SLC30A8: variants seen among roughly 807,000 people sequenced by gnomAD.
SLC30A8 encodes proton-coupled zinc antiporter SLC30A8.
In SLC30A8, 27 loss-of-function variants were observed where a neutral mutation model predicts 36.9. The observed-to-expected ratio is 0.73, with a 90% CI of 0.54 to 1.01. SLC30A8 has a LOEUF of 1.01. SLC30A8 is among the 50% of genes least tolerant of loss of function. SLC30A8 has a pLI of 0.00. For synonymous variants in SLC30A8, 164 were observed against 172.4 expected, an observed-to-expected ratio of 0.95 and a Z score of 0.38; for missense variants, 439 against 452.0, an observed-to-expected ratio of 0.97 and a Z score of 0.26.
At chr8:117,026,490 G>T (rs553784981) in intron 1 of SLC30A8, among the ~76,000 whole-genome samples, 9 of 152,250 alleles carry the variant, frequency 5.9e-5, no homozygotes, top group African/African-American at 1.9e-4. Flanking sequence ...CTAATCTCAC[G>T]CTCCCAGGAA....
chr8:117,130,048 C>T (rs999127678), upstream of SLC30A8: 2 of 151,874 alleles, frequency 1.3e-5, no homozygotes, highest in African/African-American at 4.8e-5. Flanking sequence ...AATAACTCAT[C>T]TCCTGATGGT....
chr8:117,056,356 T>C (rs1281027678), intron 2 of SLC30A8, among the ~76,000 whole-genome samples: 1 of 152,108 alleles, frequency 6.6e-6, no homozygotes. Flanking sequence ...ACCACAGCAG[T>C]AGCTTTAAGG....
intron 1 of SLC30A8, among the ~76,000 whole-genome samples, chr8:117,006,158 G>A (rs1036621648): frequency 6.6e-6 from 1 of 152,204 alleles, no homozygotes. Context: ...GGAACTCTAA[G>A]CGAATAGGAT....
At chr8:116,990,879 A>C (rs1815616463) in intron 1 of SLC30A8, among the ~76,000 whole-genome samples, 4 of 152,174 alleles carry the variant, frequency 2.6e-5, no homozygotes, top group Admixed American at 2.6e-4. Context: ...AAACAACCAA[A>C]TAAGTGAATG....
At chr8:117,083,512 GT>G (rs1302672644) in intron 2 of SLC30A8, among the ~76,000 whole-genome samples, 1 of 152,156 alleles carries the variant, frequency 6.6e-6, no homozygotes, top group Non-Finnish European at 1.5e-5. Flanking sequence ...GACCTTTGTT[GT>G]TACTACATAC....
chr8:117,133,608 C>T (rs1821226679), upstream of SLC30A8, among the ~76,000 whole-genome samples: 1 of 151,688 alleles, frequency 6.6e-6, no homozygotes, highest in African/African-American at 2.4e-5. Flanking sequence ...AAGTAGTTTC[C>T]TCATTTTCTG....
intron 2 of SLC30A8, among the ~76,000 whole-genome samples, chr8:117,112,717 T>A (rs1468792853): frequency 6.6e-6 from 1 of 152,184 alleles, no homozygotes; most frequent in Non-Finnish European, 1.5e-5. Flanking sequence ...GAAGATTCTC[T>A]GATGGATGCA....
chr8:116,966,449 C>G (rs1814604020), intron 1 of SLC30A8, among the ~76,000 whole-genome samples: 1 of 152,052 alleles, frequency 6.6e-6, no homozygotes, highest in African/African-American at 2.4e-5. Flanking sequence ...GTTCACCCAG[C>G]CCTATGAGAC....
chr8:116,990,540 C>T (rs1563737306), intron 1 of SLC30A8, among the ~76,000 whole-genome samples: 1 of 152,150 alleles, frequency 6.6e-6, no homozygotes, highest in Non-Finnish European at 1.5e-5. Flanking sequence ...CTGACCAGTA[C>T]TCCTCAAAAC....
chr8:117,055,838 C>G (rs1030210085), intron 2 of SLC30A8: 6 of 151,828 alleles, frequency 4.0e-5, no homozygotes, highest in Admixed American at 2.6e-4. Context: ...TCATTCTTAG[C>G]TGGAGTCAAG....
At chr8:116,970,666 G>A (rs1814762049) in intron 1 of SLC30A8, among the ~76,000 whole-genome samples, 1 of 152,096 alleles carries the variant, frequency 6.6e-6, no homozygotes, top group Non-Finnish European at 1.5e-5. Context: ...CATATATGCT[G>A]TCTGTTGACC....
chr8:117,052,937 C>T lies in SLC30A8; in HGVS notation c.-226+13679C>T, dbSNP rs186135299. On this transcript the variant is annotated intron_variant, in intron 2 of 10. Transcript: ENST00000427715. ...TTTTTTTTTTATTGAGACGAAATCT[C>T]GTTCTGTCGCCCAGGCTGGAGTGCA... Among the ~76,000 whole-genome samples the T allele has an allele frequency of 4.3e-4, 65 of 149,530 alleles. No individual in the cohort carries two copies. The East Asian group carries it at 0.012, about 28-fold the overall frequency.
chr8:117,021,034 G>T (rs1412468861), intron 1 of SLC30A8, among the ~76,000 whole-genome samples: 12 of 152,188 alleles, frequency 7.9e-5, no homozygotes, highest in Admixed American at 7.9e-4. Flanking sequence ...GTATGATGGT[G>T]TCATTCCTGG....
chr8:117,100,433 C>T (rs1460345321), intron 2 of SLC30A8, among the ~76,000 whole-genome samples: 1 of 152,126 alleles, frequency 6.6e-6, no homozygotes, highest in Admixed American at 6.5e-5. Flanking sequence ...TTCCACAGCT[C>T]CTCTTTGAGG....
intron 1 of SLC30A8, among the ~76,000 whole-genome samples, chr8:117,136,675 TGTG>T (rs1821375489): frequency 6.6e-6 from 1 of 151,980 alleles, no homozygotes. Flanking sequence ...AACAAAGCCT[TGTG>T]GTAAGTCAGG....
intron 2 of SLC30A8, among the ~76,000 whole-genome samples, chr8:117,080,436 T>C (rs1586478965): frequency 6.6e-6 from 1 of 152,240 alleles, no homozygotes; most frequent in East Asian, 1.9e-4. Flanking sequence ...TGAGGAACGA[T>C]TGACTCTCTT....
At position 117,172,851 on chromosome 8, in the gene SLC30A8, A is replaced by AG; in HGVS notation, c.*171dup. ...ATTCACCATGAAGGAAGAGGCACTG[A>AG]GATCCATCAATCAATTGGATTATAT... On this transcript the variant is annotated 3_prime_UTR_variant, in exon 8 of 8. Transcript: ENST00000456015. 1.4e-6 allele frequency: 1 copy of AG among 717,174 alleles called. No homozygotes were observed. Among genetic ancestry groups the AG allele is most frequent in the Non-Finnish European group, 2.3e-6 (1 of 435,494 alleles). The allele number at this position is 717,174 out of a possible 1,614,324, so 44.4% of individuals were successfully genotyped here.
chr8:117,034,721 A>G (rs1291987163), intron 1 of SLC30A8, among the ~76,000 whole-genome samples: 1 of 152,212 alleles, frequency 6.6e-6, no homozygotes, highest in Non-Finnish European at 1.5e-5. Flanking sequence ...ACATTGCTAT[A>G]AAGAACTGCT....
chr8:117,052,909 C>CCT (rs1817753096), intron 2 of SLC30A8, among the ~76,000 whole-genome samples: 1 of 143,592 alleles, frequency 7.0e-6, no homozygotes. Flanking sequence ...CCTTTTTTTT[C>CCT]TTTTTTTTTT....
Sources: gnomAD v4.1 joint callset for allele counts (sites outside exome capture counted in the v4.1 genomes callset) on GRCh38, gnomAD v4.1.1 for gene constraint, MANE v1.5 for transcripts, NCBI Gene and HGNC (gene_info 2026-07-23, HGNC 2026-07-21) for gene names.